Variants in SUSD1 observed in about 807,000 individuals in gnomAD.
SUSD1 encodes sushi domain containing 1, also known as sushi domain-containing protein 1.
Under a neutral mutation model 86.9 loss-of-function variants are expected in SUSD1, and 65 were observed. That is an observed-to-expected ratio of 0.75 (90% CI 0.61 to 0.92). SUSD1 has a LOEUF of 0.92. Among genes scored for constraint, SUSD1 ranks in the 40% least tolerant of loss-of-function variants. The pLI is 0.00. For synonymous variants in SUSD1, 346 were observed against 350.0 expected (o/e 0.99, Z 0.13); for missense variants, 850 against 929.7 (o/e 0.91, Z 1.11).
At chr9:112,068,438 A>G (rs75359388) in intron 12 of SUSD1, among the ~76,000 whole-genome samples, 1,703 of 152,288 alleles carry the variant, frequency 0.011, 7 homozygotes, top group Middle Eastern at 0.034. Flanking sequence ...GGCTGGGTGC[A>G]CTGGCTCATG....
chr9:112,128,392 C>A (rs540056901), intron 5 of SUSD1, among the ~76,000 whole-genome samples: 1 of 151,932 alleles, frequency 6.6e-6, no homozygotes, highest in South Asian at 2.1e-4. Context: ...CCATGCCCGG[C>A]CTACAATCTT....
intron 1 of SUSD1, among the ~76,000 whole-genome samples, chr9:112,162,866 T>C (rs1833630233): frequency 6.6e-6 from 1 of 152,214 alleles, no homozygotes. Flanking sequence ...CGCTGTGGCA[T>C]ATGCACTGGT....
At chr9:112,142,103 TAAAG>T (rs947423824) in intron 5 of SUSD1, among the ~76,000 whole-genome samples, 6 of 151,616 alleles carry the variant, frequency 4.0e-5, no homozygotes, top group Non-Finnish European at 8.8e-5. Context: ...ATAACTATTA[TAAAG>T]AAAGAAAAAT....
At chr9:112,044,126 A>G (rs1827859636) in intron 15 of SUSD1, among the ~76,000 whole-genome samples, 1 of 152,216 alleles carries the variant, frequency 6.6e-6, no homozygotes, top group South Asian at 2.1e-4. Flanking sequence ...AAATGGAAGG[A>G]GAAACAGTGA....
chr9:112,115,573 G>A (rs1022503751), intron 6 of SUSD1, among the ~76,000 whole-genome samples: 2 of 152,124 alleles, frequency 1.3e-5, no homozygotes, highest in Admixed American at 6.5e-5. Context: ...TTGCGGGGCT[G>A]AGATGGGCAT....
At chr9:112,055,163 T>A (rs1828392842) in intron 14 of SUSD1, among the ~76,000 whole-genome samples, 1 of 152,208 alleles carries the variant, frequency 6.6e-6, no homozygotes, top group Non-Finnish European at 1.5e-5. Flanking sequence ...TGGTGGCTCA[T>A]GCCTATAATC....
chr9:112,124,340 T>G lies in SUSD1; in HGVS notation c.803A>C (p.Glu268Ala). The change falls in exon 6 of 17, where the codon GAG (glutamate) becomes GCG (alanine). Residue 268 changes from glutamate to alanine, a missense_variant. Transcript: ENST00000374270. ...CTTTCCTCCAGGGCTCTCAAAGCCCTCTTGACAGACATAGCGAGCCACACC... is the reference window on the plus strand; with the variant it reads ...CTTTCCTCCAGGGCTCTCAAAGCCCGCTTGACAGACATAGCGAGCCACACC... ...LGGVARYVCQEGFESPGGKIT... is the reference protein window; with the variant it reads ...LGGVARYVCQAGFESPGGKIT... 2.5e-6 allele frequency: 4 copies of G among 1,614,160 alleles called. No individual in the cohort carries two copies.
At chr9:112,068,282 G>T (rs1428673141) in intron 12 of SUSD1, among the ~76,000 whole-genome samples, 1 of 152,168 alleles carries the variant, frequency 6.6e-6, no homozygotes, top group Non-Finnish European at 1.5e-5. Context: ...TGGCAGGGAG[G>T]GATAGAACTA....
chr9:112,158,289 A>G lies in SUSD1; in HGVS notation c.104-676T>C, dbSNP rs957007337. Among the ~76,000 whole-genome samples, 5 of 152,082 alleles carry G rather than the reference A, an allele frequency of 3.3e-5. 1 individual carries two copies. The highest frequency in any genetic ancestry group is 9.7e-5 in the African/African-American group (4 of 41,420). On this transcript the variant is annotated intron_variant, in intron 1 of 16. Coordinates refer to ENST00000374270, the MANE Select transcript of SUSD1 (RefSeq NM_022486.5). ...ATGCCACAATCACAATACTCTCTAT[A>G]TACCTAAAATGCCTATGCCTTCTTC... is the stretch of plus-strand genomic sequence containing the variant.
chr9:112,119,469 T>G (rs1200331462), intron 6 of SUSD1, among the ~76,000 whole-genome samples: 1 of 152,190 alleles, frequency 6.6e-6, no homozygotes, highest in Non-Finnish European at 1.5e-5. Flanking sequence ...ATCAGAGCAG[T>G]GCCCAGAGCA....
At chr9:112,048,587 G>T (rs1828055281) in intron 15 of SUSD1, among the ~76,000 whole-genome samples, 1 of 152,088 alleles carries the variant, frequency 6.6e-6, no homozygotes, top group Admixed American at 6.6e-5. Flanking sequence ...CCTAATGCAT[G>T]CCAGGCTCTG....
intron 14 of SUSD1, among the ~76,000 whole-genome samples, chr9:112,057,638 GACACATT>G (rs779832254): frequency 2.6e-5 from 4 of 152,210 alleles, no homozygotes; most frequent in Non-Finnish European, 5.9e-5. Context: ...GCATGTTCAT[GACACATT>G]ACATTTGCAT....
At chr9:112,155,016 T>C (rs1048141113) in intron 2 of SUSD1, among the ~76,000 whole-genome samples, 27 of 151,984 alleles carry the variant, frequency 1.8e-4, no homozygotes, top group African/African-American at 6.5e-4. Flanking sequence ...TTTGGGAGTC[T>C]GAGGCAGGCA....
intron 10 of SUSD1, among the ~76,000 whole-genome samples, chr9:112,091,293 T>A (rs1293556178): frequency 1.3e-5 from 2 of 152,230 alleles, no homozygotes; most frequent in African/African-American, 4.8e-5. Flanking sequence ...TGATTTATGG[T>A]CTTAATTATC....
chr9:112,097,295 A>G (rs901019545), intron 10 of SUSD1, among the ~76,000 whole-genome samples: 1 of 151,560 alleles, frequency 6.6e-6, no homozygotes, highest in Non-Finnish European at 1.5e-5. Context: ...CTGGCCCTCC[A>G]GCCTGGGTGA....
At chr9:112,047,466 G>A (rs8181146) in intron 15 of SUSD1, among the ~76,000 whole-genome samples, 11,779 of 152,250 alleles carry the variant, frequency 0.077, 748 homozygotes, top group East Asian at 0.25. Context: ...AGGCTCTGGA[G>A]AAGAAGCTGC....
At chr9:112,074,732 T>C (rs1829438323) in intron 12 of SUSD1, among the ~76,000 whole-genome samples, 1 of 151,876 alleles carries the variant, frequency 6.6e-6, no homozygotes, top group African/African-American at 2.4e-5. Flanking sequence ...AAACCACGAG[T>C]ATCTCTGCAC....
At chr9:112,067,961 C>A (rs561853380) in intron 12 of SUSD1, among the ~76,000 whole-genome samples, 17 of 152,256 alleles carry the variant, frequency 1.1e-4, no homozygotes, top group Non-Finnish European at 2.1e-4. Flanking sequence ...AAAACTTAGA[C>A]CTGCCTGGAC....
At chr9:112,063,250 CAT>C (rs1828814865) in intron 12 of SUSD1, among the ~76,000 whole-genome samples, 1 of 152,054 alleles carries the variant, frequency 6.6e-6, no homozygotes, top group Non-Finnish European at 1.5e-5. Flanking sequence ...AAAAATCTAA[CAT>C]AGGCAAATTC....
Sources: gnomAD v4.1 joint callset for allele counts (sites outside exome capture counted in the v4.1 genomes callset) on GRCh38, gnomAD v4.1.1 for gene constraint, MANE v1.5 for transcripts, NCBI Gene and HGNC (gene_info 2026-07-23, HGNC 2026-07-21) for gene names.